EPHB1: variants seen among roughly 807,000 people sequenced by gnomAD.
EPHB1 encodes the protein EPH receptor B1, also known as ephrin type-B receptor 1.
EPHB1 carries 30 observed loss-of-function variants against 94.4 expected under a neutral mutation model. That is an observed-to-expected ratio of 0.32 (90% CI 0.24 to 0.43). The LOEUF is 0.43. Ranked by LOEUF, EPHB1 falls within the 20% of genes least tolerant of loss-of-function variation. The probability of loss-of-function intolerance (pLI) is 1.00; values close to 1 mark genes in which losing one functional copy is unlikely to be tolerated. For synonymous variants in EPHB1, 522 were observed against 489.1 expected (o/e 1.07, Z -0.89); for missense variants, 1,055 against 1,308.3 (o/e 0.81, Z 2.99).
At chr3:135,007,920 C>T (rs1935482037) in intron 3 of EPHB1, among the ~76,000 whole-genome samples, 3 of 152,132 alleles carry the variant, frequency 2.0e-5, no homozygotes, top group East Asian at 1.9e-4. Context: ...TCAGGGATGA[C>T]GGGACACAGT....
At chr3:134,851,676 G>T (rs968162440) in intron 1 of EPHB1, among the ~76,000 whole-genome samples, 1 of 152,140 alleles carries the variant, frequency 6.6e-6, no homozygotes, top group African/African-American at 2.4e-5. Flanking sequence ...GCCATTTTCC[G>T]CTGCCTGACA....
intron 10 of EPHB1, among the ~76,000 whole-genome samples, chr3:135,180,522 A>T (rs1942126300): frequency 6.6e-6 from 1 of 152,174 alleles, no homozygotes; most frequent in Non-Finnish European, 1.5e-5. Context: ...TTTTACAAAA[A>T]ATCTATGGTA....
chr3:135,093,721 CAAA>C (rs11297040), intron 3 of EPHB1, among the ~76,000 whole-genome samples: 104 of 140,506 alleles, frequency 7.4e-4, no homozygotes, highest in Middle Eastern at 3.6e-3. Flanking sequence ...GACCCTGACT[CAAA>C]AAAAAAAAAA....
Position 135,090,221 on chromosome 3 carries a change from A to G in EPHB1, c.806-16227A>G, listed in dbSNP as rs534991743. On this transcript the variant is annotated intron_variant, in intron 3 of 15. Transcript: ENST00000398015. ...CATGATCTCCAGGGATCCAGTGCCT[A>G]TGGCTGGCTCTGCTCAGGTGCTCAA... Among the ~76,000 whole-genome samples, 20 of 152,274 alleles carry G rather than the reference A, an allele frequency of 1.3e-4. 1 individual carries two copies. The highest frequency in any genetic ancestry group is 6.5e-4 in the Admixed American group (10 of 15,302).
chr3:134,945,362 T>C (rs775465573), intron 2 of EPHB1, among the ~76,000 whole-genome samples: 2 of 152,202 alleles, frequency 1.3e-5, no homozygotes, highest in Non-Finnish European at 2.9e-5. Context: ...TGTAGTTTCA[T>C]TTTTAATGTT....
rs189669273 is a variant in EPHB1 at position 134,939,272 on chromosome 3, A to G, written c.124-12099A>G. Among the ~76,000 whole-genome samples the G allele has an allele frequency of 7.4e-4, 113 of 152,126 alleles. 2 individuals are homozygous for G. Among genetic ancestry groups the G allele is most frequent in the Non-Finnish European group, 4.6e-4 (31 of 67,990 alleles). Reference sequence around the variant, plus strand: ...GAATTCATTGCTTTGTACTGCTACAATATGGAAGCCCTTCCAAGGCACTGG... The same window carrying G: ...GAATTCATTGCTTTGTACTGCTACAGTATGGAAGCCCTTCCAAGGCACTGG... On this transcript the variant is annotated intron_variant, in intron 2 of 15. Coordinates refer to ENST00000398015, the MANE Select transcript of EPHB1 (RefSeq NM_004441.5).
intron 15 of EPHB1, among the ~76,000 whole-genome samples, chr3:135,258,300 C>T (rs1473603594): frequency 2.0e-5 from 3 of 152,124 alleles, no homozygotes; most frequent in Admixed American, 2.0e-4. Flanking sequence ...GAAATGCTTT[C>T]ACATAGGTTT....
chr3:134,971,874 T>C (rs1366090930), intron 3 of EPHB1, among the ~76,000 whole-genome samples: 1 of 152,206 alleles, frequency 6.6e-6, no homozygotes, highest in Non-Finnish European at 1.5e-5. Context: ...TGGGCTAAAA[T>C]TCTTTTTTGA....
intron 3 of EPHB1, among the ~76,000 whole-genome samples, chr3:135,047,592 C>A (rs2107769219): frequency 6.6e-6 from 1 of 152,338 alleles, no homozygotes; most frequent in African/African-American, 2.4e-5. Context: ...ACTCAGAGGT[C>A]CCCGAGGCTG....
chr3:134,827,386 C>CACACACACAT (rs1553854485), intron 1 of EPHB1, among the ~76,000 whole-genome samples: 4 of 152,114 alleles, frequency 2.6e-5, no homozygotes, highest in African/African-American at 9.6e-5. Flanking sequence ...CACACACACA[C>CACACACACAT]ACATACACAC....
chr3:134,912,951 T>A (rs2038485471), intron 1 of EPHB1, among the ~76,000 whole-genome samples: 1 of 152,188 alleles, frequency 6.6e-6, no homozygotes, highest in Admixed American at 6.5e-5. Flanking sequence ...TTTCCCGGTA[T>A]CAGAATGGAA....
intron 3 of EPHB1, among the ~76,000 whole-genome samples, chr3:135,058,591 C>A (rs548566826): frequency 1.2e-4 from 18 of 152,364 alleles, no homozygotes; most frequent in African/African-American, 4.1e-4. Flanking sequence ...TCCCATTCAA[C>A]CTTCTCATCC....
intron 1 of EPHB1, among the ~76,000 whole-genome samples, chr3:134,845,091 C>T (rs1488358774): frequency 2.0e-5 from 3 of 152,212 alleles, no homozygotes; most frequent in Non-Finnish European, 4.4e-5. Context: ...GAGTGCTCTA[C>T]ATTTGGATAC....
intron 11 of EPHB1, among the ~76,000 whole-genome samples, chr3:135,193,248 C>T (rs1299264470): frequency 6.6e-6 from 1 of 152,168 alleles, no homozygotes; most frequent in African/African-American, 2.4e-5. Flanking sequence ...AAACAGGTTG[C>T]CATTTTCTGA....
At chr3:134,909,956 C>T (rs2038417557) in intron 1 of EPHB1, among the ~76,000 whole-genome samples, 1 of 152,206 alleles carries the variant, frequency 6.6e-6, no homozygotes, top group Non-Finnish European at 1.5e-5. Flanking sequence ...CAGCCAACCC[C>T]AGGAAGATCG....
chr3:134,993,152 A>AG (rs1934871593), intron 3 of EPHB1, among the ~76,000 whole-genome samples: 1 of 152,236 alleles, frequency 6.6e-6, no homozygotes, highest in Non-Finnish European at 1.5e-5. Context: ...GCTAGTCTGC[A>AG]GTTCTTGCTC....
At chr3:135,234,837 G>C (rs1943612097) in intron 12 of EPHB1, among the ~76,000 whole-genome samples, 1 of 152,192 alleles carries the variant, frequency 6.6e-6, no homozygotes, top group Non-Finnish European at 1.5e-5. Flanking sequence ...TCACCCTCAT[G>C]ATTAAATTAC....
rs533894378 is a variant in EPHB1 at position 135,196,324 on chromosome 3, G to A, written c.2130+3501G>A. On this transcript the variant is annotated intron_variant, in intron 11 of 15. Coordinates refer to ENST00000398015, the MANE Select transcript of EPHB1 (RefSeq NM_004441.5). ...TTTCATTTGGGGCTCAGGTCACGGA[G>A]GCATGTTGGACACCAGCATTTCTCA... is the stretch of plus-strand genomic sequence containing the variant. 1.5e-3 allele frequency among the ~76,000 whole-genome samples: 226 copies of A among 152,258 alleles called. 1 individual carries two copies. Among genetic ancestry groups the A allele is most frequent in the Non-Finnish European group, 2.3e-3 (156 of 68,026 alleles).
At chr3:135,244,355 G>A (rs1451506737) in intron 13 of EPHB1, among the ~76,000 whole-genome samples, 1 of 152,146 alleles carries the variant, frequency 6.6e-6, no homozygotes, top group Admixed American at 6.5e-5. Context: ...TGCCTAGACT[G>A]GTCTCCTTGC....
Sources: gnomAD v4.1 joint callset for allele counts (sites outside exome capture counted in the v4.1 genomes callset) on GRCh38, gnomAD v4.1.1 for gene constraint, MANE v1.5 for transcripts, NCBI Gene and HGNC (gene_info 2026-07-23, HGNC 2026-07-21) for gene names.